The following RGS6 variants were observed in gnomAD, a reference collection of about 807,000 sequenced individuals.
RGS6 encodes regulator of G protein signaling 6.
A neutral mutation model predicts 78.5 loss-of-function variants in RGS6; 30 were observed. The observed-to-expected ratio is 0.38, with a 90% CI of 0.29 to 0.52. RGS6 has a LOEUF of 0.52. Among genes scored for constraint, RGS6 ranks in the 20% least tolerant of loss-of-function variants. RGS6 has a pLI of 0.85. For synonymous variants in RGS6, 206 were observed against 206.0 expected, an observed-to-expected ratio of 1.00 and a Z score of 0.00; for missense variants, 495 against 609.7, an observed-to-expected ratio of 0.81 and a Z score of 1.98.
At position 72,089,925 on chromosome 14, in the gene RGS6, G is replaced by A. The variant is rs2095205306; in HGVS notation, c.84+125050G>A. ...CACCAGGGTGCCAACTCCCAAGTGG[G>A]CTGACAGGAAGGGAGATTGGAAACA... On this transcript the variant is annotated intron_variant, in intron 2 of 17. Coordinates refer to ENST00000553525, the MANE Select transcript of RGS6 (RefSeq NM_001204424.2). Among the ~76,000 whole-genome samples, 3 of 152,116 alleles carry A rather than the reference G, an allele frequency of 2.0e-5. No homozygotes were observed. The South Asian group carries it at 6.2e-4, about 32-fold the overall frequency.
the RGS6 span, among the ~76,000 whole-genome samples, chr14:71,917,354 A>T: frequency 1.5e-4 from 23 of 152,188 alleles, no homozygotes; most frequent in African/African-American, 5.5e-4. Flanking sequence ...TGGAGGTCAC[A>T]CACCCTTTTC....
chr14:72,328,653 C>T (rs1996661), intron 2 of RGS6, among the ~76,000 whole-genome samples: 43,750 of 151,930 alleles, frequency 0.29, 6,512 homozygotes, highest in South Asian at 0.39. Flanking sequence ...CCAAGGAGGA[C>T]AGACATCATT....
chr14:72,398,945 A>G (rs1406949926), intron 3 of RGS6, among the ~76,000 whole-genome samples: 1 of 151,814 alleles, frequency 6.6e-6, no homozygotes, highest in African/African-American at 2.4e-5. Flanking sequence ...ATTCTTTTAC[A>G]TTTGCTGAGG....
In RGS6 at chr14:72,495,188, C is replaced by T. The variant is rs915180951; in HGVS notation, c.891C>T (p.Asp297=). 2.5e-6 allele frequency: 4 copies of T among 1,613,440 alleles called. No homozygotes were observed. The African/African-American group carries it at 4.0e-5, about 16-fold the overall frequency. The change falls in exon 13 of 18, where the codon GAC becomes GAT. Residue 297 remains aspartate, a synonymous_variant. Coordinates refer to ENST00000553525, the MANE Select transcript of RGS6 (RefSeq NM_001204424.2). ...IAYTEQYVEY[D]PLITPAEPSN... The stretch of plus-strand genomic sequence containing the variant: ...ACACGGAACAATATGTGGAATATGA[C>T]CCTTTGATAACACCAGCTGAGCCAT...
chr14:72,414,950 C>T (rs535731983), intron 3 of RGS6, among the ~76,000 whole-genome samples: 61 of 152,302 alleles, frequency 4.0e-4, no homozygotes, highest in African/African-American at 1.5e-3. Flanking sequence ...TGTGAGGTGT[C>T]AGTCTGCCCC....
At chr14:72,431,787 C>A (rs1489572677) in intron 3 of RGS6, among the ~76,000 whole-genome samples, 1 of 152,140 alleles carries the variant, frequency 6.6e-6, no homozygotes, top group Non-Finnish European at 1.5e-5. Context: ...GCCCTCTGGC[C>A]AAATTCTCGC....
intron 2 of RGS6, among the ~76,000 whole-genome samples, chr14:71,984,103 G>A (rs2094578583): frequency 6.6e-6 from 1 of 152,012 alleles, no homozygotes; most frequent in African/African-American, 2.4e-5. Context: ...ATACTGCAGT[G>A]GGGGCTATAC....
chr14:72,242,431 A>T (rs1317204645), intron 2 of RGS6, among the ~76,000 whole-genome samples: 2 of 152,182 alleles, frequency 1.3e-5, no homozygotes, highest in East Asian at 3.8e-4. Context: ...CTGCAGCTCA[A>T]ATGTTTTCAC....
At chr14:71,901,157 GAGTAAAACTGAAGA>G in the RGS6 span, among the ~76,000 whole-genome samples, 125,842 of 151,600 alleles carry the variant, frequency 0.83, 52,426 homozygotes, top group African/African-American at 0.85. Context: ...TTCTCAAAGT[GAGTAAAACTGAAGA>G]AAGTTATTTG....
chr14:72,605,489 A>T, the RGS6 span, among the ~76,000 whole-genome samples: 1 of 152,262 alleles, frequency 6.6e-6, no homozygotes, highest in Admixed American at 6.5e-5. Flanking sequence ...TAGCCCGAAC[A>T]TTCCTAACCC....
intron 2 of RGS6, among the ~76,000 whole-genome samples, chr14:72,332,615 A>T (rs1292852532): frequency 3.9e-5 from 6 of 152,148 alleles, no homozygotes; most frequent in Non-Finnish European, 7.4e-5. Flanking sequence ...ACCCTGGTGC[A>T]GGGAACGGAA....
chr14:72,177,582 T>C (rs566831408), intron 2 of RGS6, among the ~76,000 whole-genome samples: 3 of 152,294 alleles, frequency 2.0e-5, no homozygotes, highest in South Asian at 4.1e-4. Flanking sequence ...GAGGTAGATT[T>C]AAGTAATGGA....
At chr14:72,603,660 A>G in the RGS6 span, among the ~76,000 whole-genome samples, 1 of 152,244 alleles carries the variant, frequency 6.6e-6, no homozygotes, top group Non-Finnish European at 1.5e-5. Flanking sequence ...GAAAGCTGAC[A>G]ACGAGCAGGG....
At chr14:72,148,247 A>T (rs904113776) in intron 2 of RGS6, among the ~76,000 whole-genome samples, 2 of 151,942 alleles carry the variant, frequency 1.3e-5, no homozygotes. Context: ...ATAGAAAAAA[A>T]TTATTTGGGT....
At chr14:71,987,619 G>A (rs1443117847) in intron 2 of RGS6, among the ~76,000 whole-genome samples, 4 of 151,876 alleles carry the variant, frequency 2.6e-5, no homozygotes, top group African/African-American at 9.7e-5. Context: ...TGACCTCTGG[G>A]GCTTGATCCT....
At chr14:71,876,965 G>A in the RGS6 span, among the ~76,000 whole-genome samples, 4 of 152,142 alleles carry the variant, frequency 2.6e-5, no homozygotes, top group African/African-American at 9.7e-5. Context: ...GAAATTCTGG[G>A]TTGAAAATTC....
chr14:72,156,997 T>C (rs771091682), intron 2 of RGS6, among the ~76,000 whole-genome samples: 11 of 152,204 alleles, frequency 7.2e-5, no homozygotes, highest in Non-Finnish European at 1.6e-4. Context: ...GAATCTGTTG[T>C]CATTATCAGG....
chr14:72,152,561 A>G (rs1051672717), intron 2 of RGS6, among the ~76,000 whole-genome samples: 3 of 152,126 alleles, frequency 2.0e-5, no homozygotes, highest in African/African-American at 4.8e-5. Flanking sequence ...TTGTTTTGTA[A>G]ACTAACAACA....
At chr14:72,057,313 GAAAAAAAAA>G (rs71109718) in intron 2 of RGS6, among the ~76,000 whole-genome samples, 11 of 56,166 alleles carry the variant, frequency 2.0e-4, no homozygotes, top group East Asian at 1.3e-3. Context: ...GACTCTATCT[GAAAAAAAAA>G]AAAAAAAAAA....
Sources: gnomAD v4.1 joint callset for allele counts (sites outside exome capture counted in the v4.1 genomes callset) on GRCh38, gnomAD v4.1.1 for gene constraint, MANE v1.5 for transcripts, NCBI Gene and HGNC (gene_info 2026-07-23, HGNC 2026-07-21) for gene names.